Variants in ACBD6 observed in about 807,000 individuals in gnomAD.
The protein encoded by ACBD6 is acyl-CoA-binding domain-containing protein 6.
In ACBD6, 28 loss-of-function variants were observed where a neutral mutation model predicts 37.2. The observed-to-expected ratio is 0.75, with a 90% confidence interval of 0.56 to 1.03. ACBD6 has a LOEUF of 1.03. Among genes scored for constraint, ACBD6 ranks in the 50% least tolerant of loss-of-function variants. The probability of loss-of-function intolerance (pLI) is 0.00; values close to 1 mark genes in which losing one functional copy is unlikely to be tolerated. For missense variants in ACBD6, 340 were observed against 337.4 expected (o/e 1.01, Z -0.06); for synonymous variants, 113 against 126.8 (o/e 0.89, Z 0.73).
At chr1:180,408,204 A>G (rs10913985) in intron 5 of ACBD6, among the ~76,000 whole-genome samples, 73,916 of 152,080 alleles carry the variant, frequency 0.49, 20,795 homozygotes, top group South Asian at 0.66. Context: ...ACTGATACAC[A>G]CAAGTACAAT....
At chr1:180,396,921 T>C (rs1434131219) in intron 6 of ACBD6, among the ~76,000 whole-genome samples, 2 of 152,150 alleles carry the variant, frequency 1.3e-5, no homozygotes, top group African/African-American at 4.8e-5. Flanking sequence ...AATTACCATA[T>C]GACCCAGTAA....
At chr1:180,353,052 T>C (rs990807947) in intron 6 of ACBD6, among the ~76,000 whole-genome samples, 2 of 152,364 alleles carry the variant, frequency 1.3e-5, no homozygotes, top group South Asian at 2.1e-4. Context: ...ACCACTATTT[T>C]ATTTCTTAGA....
chr1:180,433,647 GCGCA>G (rs1648902409), intron 3 of ACBD6, among the ~76,000 whole-genome samples: 1 of 151,850 alleles, frequency 6.6e-6, no homozygotes, highest in Admixed American at 6.6e-5. Context: ...GTGAGAGAGT[GCGCA>G]CAAAAGAGAT....
At chr1:180,459,384 T>A (rs953363874) in intron 3 of ACBD6, among the ~76,000 whole-genome samples, 3 of 152,184 alleles carry the variant, frequency 2.0e-5, no homozygotes, top group African/African-American at 7.2e-5. Context: ...CATAAAGCCA[T>A]AGACTGAAAT....
intron 4 of ACBD6, among the ~76,000 whole-genome samples, chr1:180,426,505 CA>C (rs902682694): frequency 6.6e-5 from 10 of 152,144 alleles, no homozygotes; most frequent in African/African-American, 2.4e-4. Context: ...CAGCTGATCG[CA>C]AAACCAGAGG....
chr1:180,449,701 G>A (rs893947821), intron 3 of ACBD6, among the ~76,000 whole-genome samples: 2 of 151,830 alleles, frequency 1.3e-5, no homozygotes, highest in Admixed American at 1.3e-4. Context: ...CTCATAGGTG[G>A]GAATTGAACA....
intron 6 of ACBD6, among the ~76,000 whole-genome samples, chr1:180,359,869 A>G (rs1323375185): frequency 2.0e-5 from 3 of 152,200 alleles, no homozygotes; most frequent in African/African-American, 7.2e-5. Flanking sequence ...GACTCTAGAG[A>G]AGACCATTAT....
intron 4 of ACBD6, among the ~76,000 whole-genome samples, chr1:180,428,355 G>A (rs570706636): frequency 6.6e-6 from 1 of 152,264 alleles, no homozygotes; most frequent in South Asian, 2.1e-4. Flanking sequence ...ATATTCCAAT[G>A]TTTTCTGTCA....
chr1:180,349,468 G>C (rs1057466796), intron 6 of ACBD6, among the ~76,000 whole-genome samples: 28 of 151,736 alleles, frequency 1.8e-4, no homozygotes, highest in African/African-American at 6.8e-4. Context: ...TGTTAGCCAG[G>C]ATGGTCTCAA....
At chr1:180,275,262 T>C (rs1648958463) in exon 10 of ACBD6, 2 of 152,044 alleles carry the variant, frequency 1.3e-5, no homozygotes, top group South Asian at 4.2e-4. Flanking sequence ...CAAGAGGTGG[T>C]TTTCATTGCA....
intron 7 of ACBD6, among the ~76,000 whole-genome samples, chr1:180,295,516 T>A (rs1571327282): frequency 1.0e-4 from 2 of 19,924 alleles, no homozygotes; most frequent in South Asian, 3.5e-3. Flanking sequence ...AGATAATGCA[T>A]TTTTTTTTTC....
In ACBD6 at chr1:180,350,754, G is replaced by A. The variant is rs180768217; in HGVS notation, c.664-36032C>T. 9.9e-4 allele frequency among the ~76,000 whole-genome samples: 150 copies of A among 152,172 alleles called. 1 individual carries two copies. In the East Asian group the frequency reaches 0.022, roughly 23 times the overall value. On this transcript the variant is annotated intron_variant, in intron 6 of 7. Transcript: ENST00000367595. ...CATAACTGAAGATGTCTCCAACTAC[G>A]GTGCTCCCTAGTAATCTCTCCCTTT...
chr1:180,500,967 A>G (rs1034590865), intron 1 of ACBD6, among the ~76,000 whole-genome samples: 1 of 152,170 alleles, frequency 6.6e-6, no homozygotes, highest in African/African-American at 2.4e-5. Context: ...CTGAACAAAT[A>G]TATGTTGCTT....
intron 6 of ACBD6, among the ~76,000 whole-genome samples, chr1:180,386,906 C>T (rs963478869): frequency 6.6e-5 from 10 of 152,054 alleles, no homozygotes; most frequent in Non-Finnish European, 1.3e-4. Flanking sequence ...CACTGTTTGG[C>T]GTATATTGAC....
At chr1:180,310,899 T>C (rs1441338913) in intron 7 of ACBD6, among the ~76,000 whole-genome samples, 2 of 152,206 alleles carry the variant, frequency 1.3e-5, no homozygotes, top group Admixed American at 6.5e-5. Context: ...CATTCCCCAA[T>C]TAATTATTGT....
chr1:180,287,706 C>G (rs1236225534), downstream of ACBD6, among the ~76,000 whole-genome samples: 1 of 150,494 alleles, frequency 6.6e-6, no homozygotes, highest in Non-Finnish European at 1.5e-5. Flanking sequence ...GGAATCTGAC[C>G]TAACCCTGAT....
chr1:180,446,361 G>A (rs1649473898), intron 3 of ACBD6, among the ~76,000 whole-genome samples: 1 of 151,966 alleles, frequency 6.6e-6, no homozygotes. Flanking sequence ...TTAGTTCAAA[G>A]AGAAAACTTT....
At chr1:180,399,166 G>A (rs1647241460) in intron 5 of ACBD6, among the ~76,000 whole-genome samples, 1 of 152,094 alleles carries the variant, frequency 6.6e-6, no homozygotes, top group South Asian at 2.1e-4. Context: ...AGGGGGGAAA[G>A]CAGAGAAAAA....
chr1:180,361,024 T>C (rs1652827263), intron 6 of ACBD6, among the ~76,000 whole-genome samples: 1 of 152,176 alleles, frequency 6.6e-6, no homozygotes, highest in Non-Finnish European at 1.5e-5. Flanking sequence ...GCTAATGCTT[T>C]AAGAGTGTCT....
Sources: allele counts gnomAD v4.1 joint callset (sites outside exome capture counted in the v4.1 genomes callset), GRCh38; gene constraint gnomAD v4.1.1; transcripts MANE v1.5; gene names NCBI Gene and HGNC (gene_info 2026-07-23, HGNC 2026-07-21).